TEX11: variants seen among roughly 807,000 people sequenced by gnomAD.
TEX11 encodes testis-expressed protein 11.
TEX11 carries 7 observed loss-of-function variants against 84.4 expected under a neutral mutation model. The ratio of observed to expected loss-of-function variants is 0.08; its 90% CI spans 0.05 to 0.16. TEX11 has a LOEUF of 0.16. Ranked by LOEUF, TEX11 falls within the 10% of genes least tolerant of loss-of-function variation. TEX11 has a pLI of 1.00. For missense variants in TEX11, 551 were observed against 660.5 expected (o/e 0.83, Z 1.82); for synonymous variants, 264 against 222.8 (o/e 1.18, Z -1.64).
chrX:70,739,755 C>A (rs1198738329), intron 11 of TEX11, among the ~76,000 whole-genome samples: 1 of 111,609 alleles, frequency 9.0e-6, no homozygotes, highest in Non-Finnish European at 1.9e-5. Context: ...GTTCCTTGTC[C>A]AGGAGTGTAG....
intron 13 of TEX11, among the ~76,000 whole-genome samples, chrX:70,713,487 C>A (rs2090461608): frequency 8.9e-6 from 1 of 111,831 alleles, no homozygotes; most frequent in Admixed American, 9.5e-5. Context: ...TTGGTCTATT[C>A]AGAGATTCAA....
chrX:70,620,055 A>T (rs975478179), intron 20 of TEX11, among the ~76,000 whole-genome samples: 2 of 110,322 alleles, frequency 1.8e-5, no homozygotes, highest in African/African-American at 6.6e-5. Flanking sequence ...CAATCTCCTG[A>T]CCTTGTGATC....
At chrX:70,658,420 AAAAC>A (rs1179572951) in intron 16 of TEX11, among the ~76,000 whole-genome samples, 2 of 111,901 alleles carry the variant, frequency 1.8e-5, no homozygotes, top group African/African-American at 6.5e-5. Context: ...CAGTCTCAAA[AAAAC>A]AAACAAACAA....
intron 9 of TEX11, among the ~76,000 whole-genome samples, chrX:70,782,845 C>G (rs1320807353): frequency 9.1e-6 from 1 of 109,940 alleles, no homozygotes; most frequent in South Asian, 3.9e-4. Context: ...CCTTAGAGAC[C>G]TACAAAGAGA....
intron 8 of TEX11, among the ~76,000 whole-genome samples, chrX:70,817,154 T>C (rs766975167): frequency 9.2e-6 from 1 of 108,653 alleles, no homozygotes; most frequent in Non-Finnish European, 1.9e-5. Context: ...TATAGATAAA[T>C]GTAATGGAAA....
chrX:70,755,444 G>A (rs192890315), intron 9 of TEX11, among the ~76,000 whole-genome samples: 2 of 111,968 alleles, frequency 1.8e-5, no homozygotes, highest in East Asian at 5.6e-4. Flanking sequence ...TAGTGAGCTT[G>A]AAGACGGGCT....
intron 20 of TEX11, among the ~76,000 whole-genome samples, chrX:70,623,392 A>T (rs2089416819): frequency 8.9e-6 from 1 of 112,063 alleles, no homozygotes; most frequent in African/African-American, 3.2e-5. Context: ...CTTATTCCAA[A>T]GATATTGTGC....
chrX:70,702,292 C>T (rs1236336533), intron 13 of TEX11, among the ~76,000 whole-genome samples: 1 of 111,678 alleles, frequency 9.0e-6, no homozygotes, highest in Non-Finnish European at 1.9e-5. Flanking sequence ...CAGTCCGCAG[C>T]CAACAACATC....
intron 3 of TEX11, 128 bp downstream of exon 3, chrX:70,879,860 T>A: frequency 2.1e-6 from 1 of 487,537 alleles, no homozygotes; most frequent in Non-Finnish European, 2.9e-6. Context: ...GGTGTGAACA[T>A]CCAAAAATAG....
chrX:70,779,258 T>C (rs2091021292), intron 9 of TEX11, among the ~76,000 whole-genome samples: 1 of 106,985 alleles, frequency 9.3e-6, no homozygotes, highest in African/African-American at 3.4e-5. Context: ...CTATTAAAAA[T>C]ACAAAAATTA....
chrX:70,880,250 T>C, intron 2 of TEX11, 141 bp from the exon 3 acceptor site: 3 of 351,744 alleles, frequency 8.5e-6, no homozygotes, highest in Non-Finnish European at 1.4e-5. Context: ...AAAACCAAAC[T>C]GGAGATTTAA....
chrX:70,694,723 T>G (rs1340646929), intron 13 of TEX11, among the ~76,000 whole-genome samples: 1 of 112,262 alleles, frequency 8.9e-6, no homozygotes, highest in Non-Finnish European at 1.9e-5. Flanking sequence ...ACTGTGTAAT[T>G]TATAAAGAAA....
In TEX11 at chrX:70,775,787, G is replaced by A. The variant is rs367622785; in HGVS notation, c.692+30918C>T. On this transcript the variant is annotated intron_variant, in intron 9 of 29. Transcript: ENST00000374333. ...TGCACTGCAACCTGGGTGACAGAGC[G>A]AGACTCCGTCTCAAAAAAAAAAAGG... Among the ~76,000 whole-genome samples the A allele has an allele frequency of 3.5e-3, 41 of 11,651 alleles. No homozygotes were observed. The East Asian group carries it at 0.3, about 86-fold the overall frequency. The allele number at this position is 11,651 out of a possible 115,157, so 10.1% of individuals were successfully genotyped here.
At chrX:70,520,793 G>A in the TEX11 span, among the ~76,000 whole-genome samples, 6 of 112,000 alleles carry the variant, frequency 5.4e-5, no homozygotes, top group South Asian at 3.8e-4. Context: ...GGGCTCCACC[G>A]AGTTCGAGCT....
intron 11 of TEX11, among the ~76,000 whole-genome samples, chrX:70,732,100 A>G (rs2090657064): frequency 8.9e-6 from 1 of 111,922 alleles, no homozygotes; most frequent in Non-Finnish European, 1.9e-5. Flanking sequence ...ACAAAATTCA[A>G]CAACCCTTCA....
At chrX:70,771,921 A>G (rs1031829134) in intron 9 of TEX11, among the ~76,000 whole-genome samples, 3 of 111,530 alleles carry the variant, frequency 2.7e-5, no homozygotes, top group Non-Finnish European at 5.6e-5. Flanking sequence ...CCACCCCCAT[A>G]GCCCCAGGCT....
At chrX:70,746,417 C>G (rs2090767931) in intron 9 of TEX11, among the ~76,000 whole-genome samples, 1 of 111,405 alleles carries the variant, frequency 9.0e-6, no homozygotes, top group African/African-American at 3.3e-5. Context: ...CATCTTTACT[C>G]CAGCTGGCTC....
intron 2 of TEX11, among the ~76,000 whole-genome samples, chrX:70,882,821 A>C (rs1602208584): frequency 8.9e-6 from 1 of 112,013 alleles, no homozygotes; most frequent in African/African-American, 3.2e-5. Flanking sequence ...TAGAATACCA[A>C]TAATAGTTTC....
intron 5 of TEX11, among the ~76,000 whole-genome samples, chrX:70,855,980 A>G (rs1453919369): frequency 9.0e-6 from 1 of 111,712 alleles, no homozygotes; most frequent in Non-Finnish European, 1.9e-5. Flanking sequence ...GTGTTATGGC[A>G]GCCCTAGCAA....
Sources: allele counts gnomAD v4.1 joint callset (sites outside exome capture counted in the v4.1 genomes callset), GRCh38; gene constraint gnomAD v4.1.1; transcripts MANE v1.5; gene names NCBI Gene and HGNC (gene_info 2026-07-23, HGNC 2026-07-21).